ABCB5: variants seen among roughly 807,000 people sequenced by gnomAD.
ABCB5 encodes the protein ATP-binding cassette sub-family B member 5.
A neutral mutation model predicts 144.2 loss-of-function variants in ABCB5; 155 were observed. The observed-to-expected ratio is 1.08, with a 90% confidence interval of 0.94 to 1.23. ABCB5 has a LOEUF of 1.23. Among genes scored for constraint, ABCB5 ranks in the 50% most tolerant of loss-of-function variants. The pLI is 0.00. For synonymous variants in ABCB5, 610 were observed against 528.6 expected, an observed-to-expected ratio of 1.15 and a Z score of -2.11; for missense variants, 1,830 against 1,520.8, an observed-to-expected ratio of 1.20 and a Z score of -3.38.
chr7:20,697,921 C>T (rs188613780), intron 16 of ABCB5, among the ~76,000 whole-genome samples: 1 of 152,270 alleles, frequency 6.6e-6, no homozygotes, highest in East Asian at 1.9e-4. Flanking sequence ...CAAAACAAGC[C>T]AAGGTATTAG....
At chr7:20,723,897 G>C (rs114263536) in intron 21 of ABCB5, among the ~76,000 whole-genome samples, 1 of 152,202 alleles carries the variant, frequency 6.6e-6, no homozygotes, top group East Asian at 1.9e-4. Flanking sequence ...GAAAATGCCT[G>C]GACATACAGG....
intron 4 of ABCB5, among the ~76,000 whole-genome samples, chr7:20,629,512 T>C (rs1332835695): frequency 6.6e-6 from 1 of 152,080 alleles, no homozygotes; most frequent in African/African-American, 2.4e-5. Flanking sequence ...CCTGTAATCC[T>C]GCACTTTGGG....
Position 20,630,124 on chromosome 7 carries a change from T to A in ABCB5, c.259+1286T>A, listed in dbSNP as rs184408688. On this transcript the variant is annotated intron_variant, in intron 4 of 27. Transcript: ENST00000404938. ...GTGATTTTCCTATGCACTGATGTAATGACTATGCAGTATTTTTTATCTGGT... is the reference window on the plus strand; with the variant it reads ...GTGATTTTCCTATGCACTGATGTAAAGACTATGCAGTATTTTTTATCTGGT... Among the ~76,000 whole-genome samples, 402 of 152,332 alleles carry A rather than the reference T, an allele frequency of 2.6e-3. 2 individuals are homozygous for A. Among genetic ancestry groups the A allele is most frequent in the Non-Finnish European group, 3.0e-3 (205 of 68,022 alleles).
chr7:20,700,666 G>A (rs1786590437), intron 19 of ABCB5, among the ~76,000 whole-genome samples: 1 of 152,202 alleles, frequency 6.6e-6, no homozygotes, highest in African/African-American at 2.4e-5. Context: ...AGTCCCCGCT[G>A]TGAAATAACT....
intron 7 of ABCB5, among the ~76,000 whole-genome samples, chr7:20,644,572 G>A (rs945359258): frequency 2.0e-5 from 3 of 152,112 alleles, no homozygotes; most frequent in African/African-American, 7.2e-5. Flanking sequence ...TTTTGAAACC[G>A]ATACTCTGTG....
Position 20,649,180 on chromosome 7 carries a change from G to A in ABCB5, c.1207-842G>A, listed in dbSNP as rs998560076. ...CCAAATCTAGAGTAAAAGTGCAGGT[G>A]TGAGAAGAGGTACTCCTACTGGTGG... On this transcript the variant is annotated intron_variant, in intron 11 of 27. Coordinates refer to ENST00000404938, the MANE Select transcript of ABCB5 (RefSeq NM_001163941.2). Among the ~76,000 whole-genome samples, 3 of 152,152 alleles carry A rather than the reference G, an allele frequency of 2.0e-5. No individual in the cohort carries two copies. In the East Asian group the frequency reaches 5.8e-4, roughly 29 times the overall value.
chr7:20,740,017 G>A (rs1030121616), intron 24 of ABCB5, among the ~76,000 whole-genome samples: 14 of 152,068 alleles, frequency 9.2e-5, no homozygotes, highest in Non-Finnish European at 1.5e-4. Context: ...GGATCACGAG[G>A]TCAGGAGATC....
chr7:20,681,667 G>A lies in ABCB5; in HGVS notation c.1869+1G>A. On this transcript the variant is annotated splice_donor_variant, in intron 15 of 27. Coordinates refer to ENST00000404938, the MANE Select transcript of ABCB5 (RefSeq NM_001163941.2). LOFTEE classifies it high-confidence loss of function. ...ATATTATTCACTTGTGATGTCACAG[G>A]TAATGCTTATGTGACATAATGCTAT... 1 of 1,613,526 alleles carries A rather than the reference G, an allele frequency of 6.2e-7. No individual in the cohort carries two copies. The highest frequency in any genetic ancestry group is 1.3e-5 in the African/African-American group (1 of 75,004).
At chr7:20,707,866 C>T (rs900705112) in intron 20 of ABCB5, among the ~76,000 whole-genome samples, 24 of 135,668 alleles carry the variant, frequency 1.8e-4, no homozygotes, top group African/African-American at 6.4e-4. Context: ...TGCAGTGGCG[C>T]GATCTCGGCT....
At chr7:20,671,168 A>G (rs1001592973) in intron 14 of ABCB5, among the ~76,000 whole-genome samples, 2 of 152,204 alleles carry the variant, frequency 1.3e-5, no homozygotes, top group Non-Finnish European at 2.9e-5. Context: ...CTGCAACTCT[A>G]TATCACAGTT....
At chr7:20,643,839 T>C (rs187743000) in intron 7 of ABCB5, among the ~76,000 whole-genome samples, 2 of 152,368 alleles carry the variant, frequency 1.3e-5, no homozygotes, top group East Asian at 1.9e-4. Flanking sequence ...ATGTTTTTAA[T>C]AGCTTACTAA....
intron 23 of ABCB5, among the ~76,000 whole-genome samples, chr7:20,731,057 TA>T (rs113166246): frequency 0.24 from 36,289 of 150,752 alleles, 4,539 homozygotes; most frequent in African/African-American, 0.3. Flanking sequence ...ATCACACCTA[TA>T]AAAAAAAATA....
chr7:20,626,158 A>G (rs73684577), intron 2 of ABCB5, among the ~76,000 whole-genome samples: 43,187 of 151,802 alleles, frequency 0.28, 6,898 homozygotes, highest in African/African-American at 0.43. Flanking sequence ...GGGCTGGGAG[A>G]TGGGGACAAT....
intron 17 of ABCB5, among the ~76,000 whole-genome samples, chr7:20,698,861 T>G (rs1786512942): frequency 6.6e-6 from 1 of 152,188 alleles, no homozygotes; most frequent in Non-Finnish European, 1.5e-5. Context: ...TACAACTACT[T>G]TCCTTTCAAT....
At chr7:20,669,119 C>G (rs1208707201) in intron 14 of ABCB5, among the ~76,000 whole-genome samples, 1 of 151,002 alleles carries the variant, frequency 6.6e-6, no homozygotes, top group Middle Eastern at 3.2e-3. Context: ...GTCAGCCCCC[C>G]ACCCGGCCAG....
chr7:20,701,662 C>T (rs79354190), intron 19 of ABCB5, among the ~76,000 whole-genome samples: 153 of 152,216 alleles, frequency 1.0e-3, no homozygotes, highest in African/African-American at 3.4e-3. Flanking sequence ...GATACAGTAG[C>T]TTCTGCTAAT....
intron 20 of ABCB5, among the ~76,000 whole-genome samples, chr7:20,719,672 G>T (rs1176748473): frequency 6.6e-6 from 1 of 152,170 alleles, no homozygotes; most frequent in Non-Finnish European, 1.5e-5. Context: ...GCCAGAGCAG[G>T]GTGAGGAGGG....
chr7:20,745,097 G>C (rs1436745303), intron 25 of ABCB5, 135 bp from the exon 26 acceptor site: 1 of 907,972 alleles, frequency 1.1e-6, no homozygotes, highest in Admixed American at 2.2e-5. Context: ...AGCCTTCCTT[G>C]GGTAACTTTA....
intron 16 of ABCB5, among the ~76,000 whole-genome samples, chr7:20,696,513 T>C (rs541463026): frequency 6.6e-6 from 1 of 152,250 alleles, no homozygotes; most frequent in Non-Finnish European, 1.5e-5. Flanking sequence ...TTGACTTTTT[T>C]GATGTTTTCC....
Sources: allele counts gnomAD v4.1 joint callset (sites outside exome capture counted in the v4.1 genomes callset), GRCh38; gene constraint gnomAD v4.1.1; transcripts MANE v1.5; gene names NCBI Gene and HGNC (gene_info 2026-07-23, HGNC 2026-07-21).